Variants in SOS1 observed in about 807,000 individuals in gnomAD.
The protein encoded by SOS1 is SOS Ras/Rac guanine nucleotide exchange factor 1.
SOS1 carries 25 observed loss-of-function variants against 157.6 expected under a neutral mutation model. That is an observed-to-expected ratio of 0.16 (90% CI 0.12 to 0.22). The LOEUF (loss-of-function observed/expected upper bound fraction) is 0.22, where lower values mean the gene tolerates loss of function less well. Among genes scored for constraint, SOS1 ranks in the 10% least tolerant of loss-of-function variants. SOS1 has a pLI of 1.00. For synonymous variants in SOS1, 528 were observed against 534.0 expected (o/e 0.99, Z 0.16); for missense variants, 1,237 against 1,599.1 (o/e 0.77, Z 3.86).
intron 22 of SOS1, 122 bp from the exon 23 acceptor site, chr2:38,986,437 G>A (rs555395341): frequency 6.4e-6 from 6 of 943,942 alleles, no homozygotes; most frequent in African/African-American, 1.7e-5. Flanking sequence ...GGAACAGGGA[G>A]TTTTGCCATA....
chr2:39,078,111 T>C (rs988326262), intron 1 of SOS1, among the ~76,000 whole-genome samples: 2 of 152,136 alleles, frequency 1.3e-5, no homozygotes, highest in Non-Finnish European at 2.9e-5. Context: ...GCAAAAGTCA[T>C]GTACAGACAT....
Position 39,035,510 on chromosome 2 carries a change from TAAAG to T in SOS1, c.865-14_865-11del. On this transcript the variant is annotated splice_polypyrimidine_tract_variant and intron_variant, in intron 6 of 22. Coordinates refer to ENST00000402219, the MANE Select transcript of SOS1 (RefSeq NM_005633.4). ...GATCAAATGCCAGTTCCTTAGAAAATAAAGAAGGTAAAACATAAATAATTTACCA... is the reference window on the plus strand; with the variant it reads ...GATCAAATGCCAGTTCCTTAGAAAATAAGGTAAAACATAAATAATTTACCA... 1 of 1,555,950 alleles carries T rather than the reference TAAAG, an allele frequency of 6.4e-7. No individual in the cohort carries two copies. The highest frequency in any genetic ancestry group is 8.9e-7 in the Non-Finnish European group (1 of 1,127,394).
At chr2:39,075,064 T>A (rs148056989) in intron 1 of SOS1, among the ~76,000 whole-genome samples, 243 of 152,214 alleles carry the variant, frequency 1.6e-3, no homozygotes, top group Middle Eastern at 3.4e-3. Context: ...ACGGACATCA[T>A]TGGACTGTTT....
In SOS1 at chr2:39,118,012, A is replaced by G. The variant is rs1356423180; in HGVS notation, c.87+2324T>C. Among the ~76,000 whole-genome samples, 4 of 152,256 alleles carry G rather than the reference A, an allele frequency of 2.6e-5. No homozygotes were observed. In the East Asian group the frequency reaches 7.7e-4, roughly 29 times the overall value. On this transcript the variant is annotated intron_variant, in intron 1 of 22. Coordinates refer to ENST00000402219, the MANE Select transcript of SOS1 (RefSeq NM_005633.4). ...CTACCAGATGTCAAGCACTATAAGT[A>G]TGGGGAATAAAATGTGGGTAAGATA...
chr2:39,061,730 G>A (rs866864420), intron 2 of SOS1, among the ~76,000 whole-genome samples: 1 of 152,032 alleles, frequency 6.6e-6, no homozygotes, highest in South Asian at 2.1e-4. Flanking sequence ...ACTGAACAAT[G>A]AAAGATTCAT....
chr2:39,019,706 C>G (rs1273537942), intron 10 of SOS1, among the ~76,000 whole-genome samples: 2 of 151,478 alleles, frequency 1.3e-5, no homozygotes, highest in Non-Finnish European at 3.0e-5. Flanking sequence ...GAGCAAACTA[C>G]ATCAATAGAC....
chr2:39,011,205 C>T (rs1390017927), intron 14 of SOS1, among the ~76,000 whole-genome samples: 1 of 152,126 alleles, frequency 6.6e-6, no homozygotes, highest in African/African-American at 2.4e-5. Flanking sequence ...CCTTTAAAAA[C>T]TGTTTTTAAA....
chr2:38,991,292 T>A (rs1668726253), intron 20 of SOS1, among the ~76,000 whole-genome samples: 1 of 152,106 alleles, frequency 6.6e-6, no homozygotes, highest in South Asian at 2.1e-4. Context: ...CAAATATATT[T>A]GGGATTAGAA....
At chr2:39,013,674 T>C (rs1014896518) in intron 12 of SOS1, 111 bp from the exon 13 acceptor site, 11 of 932,978 alleles carry the variant, frequency 1.2e-5, no homozygotes, top group South Asian at 1.0e-4. Flanking sequence ...ATTAATCTTA[T>C]CAGTGTGCTT....
chr2:39,006,586 A>G, intron 16 of SOS1, 57 bp from the exon 17 acceptor site: 1 of 873,618 alleles, frequency 1.1e-6, no homozygotes, highest in East Asian at 2.4e-5. Context: ...TCTTGTCAAA[A>G]AAAATACTAG....
At chr2:39,039,799 C>T (rs1171565996) in intron 6 of SOS1, among the ~76,000 whole-genome samples, 1 of 152,166 alleles carries the variant, frequency 6.6e-6, no homozygotes, top group Non-Finnish European at 1.5e-5. Context: ...AGAAATCACA[C>T]ACTCTTCAGC....
chr2:39,106,044 C>G (rs2148214610), intron 1 of SOS1, among the ~76,000 whole-genome samples: 1 of 152,132 alleles, frequency 6.6e-6, no homozygotes, highest in South Asian at 2.1e-4. Flanking sequence ...TGGTAAAACC[C>G]TGTCTCTAAC....
chr2:39,122,839 C>T (rs1170406769), upstream of SOS1, among the ~76,000 whole-genome samples: 2 of 152,006 alleles, frequency 1.3e-5, no homozygotes, highest in African/African-American at 2.4e-5. Flanking sequence ...CCACCGCGCC[C>T]GGTCAGCCCT....
At chr2:39,008,130 G>A (rs1669339508) in intron 15 of SOS1, among the ~76,000 whole-genome samples, 1 of 152,196 alleles carries the variant, frequency 6.6e-6, no homozygotes, top group African/African-American at 2.4e-5. Flanking sequence ...TCCCAGTTGA[G>A]TGCAGCTGAG....
chr2:38,986,753 T>C (rs1340247264), intron 22 of SOS1, among the ~76,000 whole-genome samples: 1 of 152,186 alleles, frequency 6.6e-6, no homozygotes, highest in Non-Finnish European at 1.5e-5. Context: ...TACTTAAATT[T>C]TTTTCCTCAA....
At chr2:39,090,770 A>G (rs57362484) in intron 1 of SOS1, among the ~76,000 whole-genome samples, 5,396 of 152,320 alleles carry the variant, frequency 0.035, 302 homozygotes, top group African/African-American at 0.11. Flanking sequence ...TAGTTTATGT[A>G]TATCAGTGCT....
chr2:39,054,741 T>C lies in SOS1; in HGVS notation c.593A>G (p.Glu198Gly). 1 of 1,593,904 alleles carries C rather than the reference T, an allele frequency of 6.3e-7. No individual in the cohort carries two copies. The highest frequency in any genetic ancestry group is 2.2e-5 in the East Asian group (1 of 44,714). ...LTDEEPSTSGEQTYYDLVKAF... is the reference protein window; with the variant it reads ...LTDEEPSTSGGQTYYDLVKAF... Reference sequence around the variant, plus strand: ...TTTTACCAAATCATAGTAAGTTTGTTCTCCTGAGGTGGAAGGCTCTTCGTC... The same window carrying C: ...TTTTACCAAATCATAGTAAGTTTGTCCTCCTGAGGTGGAAGGCTCTTCGTC... Residue 198 changes from glutamate to glycine, a missense_variant, in exon 5 of 23, where the codon GAA (glutamate) becomes GGA (glycine). Glu to Gly is a moderately conservative substitution (Grantham distance 98). Coordinates refer to ENST00000402219, the MANE Select transcript of SOS1 (RefSeq NM_005633.4).
intron 17 of SOS1, among the ~76,000 whole-genome samples, chr2:39,003,430 T>C (rs1163922399): frequency 3.3e-5 from 5 of 152,216 alleles, no homozygotes; most frequent in African/African-American, 1.2e-4. Flanking sequence ...ATTTCTGCCA[T>C]TATTTTTAAA....
chr2:39,044,525 G>A (rs1410269178), intron 6 of SOS1, among the ~76,000 whole-genome samples: 1 of 151,952 alleles, frequency 6.6e-6, no homozygotes, highest in Admixed American at 6.6e-5. Context: ...ACTTCTCTCT[G>A]CAAAATTTAT....
Sources: gnomAD v4.1 joint callset for allele counts (sites outside exome capture counted in the v4.1 genomes callset) on GRCh38, gnomAD v4.1.1 for gene constraint, MANE v1.5 for transcripts, NCBI Gene and HGNC (gene_info 2026-07-23, HGNC 2026-07-21) for gene names.